Variants in ABTB2 observed in about 807,000 individuals in gnomAD.
The protein encoded by ABTB2 is ankyrin repeat and BTB domain containing 2, also known as ankyrin repeat and BTB/POZ domain-containing protein 2.
In ABTB2, 56 loss-of-function variants were observed where a neutral mutation model predicts 104.1. The ratio of observed to expected loss-of-function variants is 0.54; its 90% CI spans 0.43 to 0.67. The LOEUF (loss-of-function observed/expected upper bound fraction) is 0.67. ABTB2 is among the 30% of genes least tolerant of loss of function. The probability of loss-of-function intolerance (pLI) is 0.00; values close to 1 mark genes in which losing one functional copy is unlikely to be tolerated. For missense variants in ABTB2, 1,279 were observed against 1,407.7 expected (o/e 0.91, Z 1.46); for synonymous variants, 606 against 608.2 (o/e 1.00, Z 0.05).
At chr11:34,274,113 C>T (rs1017688589) in intron 1 of ABTB2, among the ~76,000 whole-genome samples, 1 of 131,592 alleles carries the variant, frequency 7.6e-6, no homozygotes, top group African/African-American at 3.0e-5. Flanking sequence ...GATTGCGCCA[C>T]TGCAGTCCGC....
chr11:34,257,921 G>A (rs1191856187), intron 1 of ABTB2, among the ~76,000 whole-genome samples: 1 of 152,030 alleles, frequency 6.6e-6, no homozygotes, highest in Non-Finnish European at 1.5e-5. Flanking sequence ...TCTCTACCTA[G>A]GGGTTGTTAA....
intron 1 of ABTB2, among the ~76,000 whole-genome samples, chr11:34,213,814 A>AAT (rs1853515651): frequency 6.6e-6 from 1 of 152,328 alleles, no homozygotes; most frequent in South Asian, 2.1e-4. Context: ...CCAGTGCAAT[A>AAT]GTCACAACAT....
At chr11:34,173,859 A>C (rs191708644) in intron 3 of ABTB2, among the ~76,000 whole-genome samples, 7 of 152,322 alleles carry the variant, frequency 4.6e-5, no homozygotes, top group Admixed American at 1.3e-4. Context: ...CTGGTTCTCC[A>C]TCTGTAGCAC....
chr11:34,226,205 A>T (rs1436994862), intron 1 of ABTB2, among the ~76,000 whole-genome samples: 2 of 77,568 alleles, frequency 2.6e-5, no homozygotes, highest in Non-Finnish European at 4.9e-5. Context: ...AGAGTCCATT[A>T]AAAAAAAAAA....
intron 1 of ABTB2, among the ~76,000 whole-genome samples, chr11:34,232,704 G>T (rs1853788671): frequency 6.6e-6 from 1 of 152,072 alleles, no homozygotes; most frequent in Non-Finnish European, 1.5e-5. Context: ...AGGGGGCATG[G>T]TGGCTCCCAC....
intron 1 of ABTB2, among the ~76,000 whole-genome samples, chr11:34,296,319 G>C (rs955437683): frequency 2.6e-5 from 4 of 152,060 alleles, no homozygotes; most frequent in African/African-American, 9.7e-5. Context: ...ATCTAAGGAG[G>C]GGAGGGAGAC....
At chr11:34,217,526 A>AG (rs1853564698) in intron 1 of ABTB2, among the ~76,000 whole-genome samples, 1 of 152,082 alleles carries the variant, frequency 6.6e-6, no homozygotes, top group Non-Finnish European at 1.5e-5. Context: ...CAGTGGTGTG[A>AG]TCCTGGCTCA....
intron 9 of ABTB2, 85 bp from the exon 10 acceptor site, chr11:34,162,890 C>T (rs1383456070): frequency 1.5e-6 from 2 of 1,327,936 alleles, no homozygotes; most frequent in Admixed American, 4.2e-5. Flanking sequence ...CCCTCCTGCC[C>T]CGACGGGCTG....
At chr11:34,156,458 G>T (rs1852627956) in intron 14 of ABTB2, among the ~76,000 whole-genome samples, 1 of 152,142 alleles carries the variant, frequency 6.6e-6, no homozygotes, top group Non-Finnish European at 1.5e-5. Flanking sequence ...CCACTTGGAA[G>T]CTGATACTGC....
chr11:34,357,271 C>T lies in ABTB2; in HGVS notation c.313G>A (p.Ala105Thr), dbSNP rs1477550998. The T allele has an allele frequency of 2.0e-6, 3 of 1,498,386 alleles. No individual in the cohort carries two copies. The highest frequency in any genetic ancestry group is 2.6e-5 in the South Asian group (2 of 77,062). 92.8% of individuals were successfully genotyped at this position (1,498,386 alleles called of 1,614,324 possible). Residue 105 changes from alanine (A) to threonine (T), a missense_variant, in exon 1 of 17, where the codon GCC (alanine) becomes ACC (threonine). Ala to Thr is a moderately conservative substitution (Grantham distance 58). Transcript: ENST00000435224. Reference protein sequence around the residue: ...EEFPWTEGDVARVLRKGAGGR... With the variant: ...EEFPWTEGDVTRVLRKGAGGR... ...CCAGCGCCTTTGCGGAGCACCCGGG[C>T]CACGTCTCCTTCGGTCCAGGGGAAC...
chr11:34,158,058 A>C (rs1332139736), intron 14 of ABTB2, among the ~76,000 whole-genome samples: 1 of 152,212 alleles, frequency 6.6e-6, no homozygotes, highest in Non-Finnish European at 1.5e-5. Context: ...ATGGAAACCA[A>C]GCAAAGCACT....
At chr11:34,306,316 G>A (rs551737947) in intron 1 of ABTB2, among the ~76,000 whole-genome samples, 10 of 129,018 alleles carry the variant, frequency 7.8e-5, no homozygotes, top group African/African-American at 2.4e-4. Flanking sequence ...GCACAATCTC[G>A]GCTCACTGCA....
chr11:34,205,812 C>T (rs1853402268), intron 1 of ABTB2, among the ~76,000 whole-genome samples: 1 of 152,138 alleles, frequency 6.6e-6, no homozygotes, highest in African/African-American at 2.4e-5. Flanking sequence ...GTTCGTAATT[C>T]TGGCTGTCAC....
chr11:34,202,197 AG>A (rs1414474834), intron 2 of ABTB2, among the ~76,000 whole-genome samples: 1 of 152,262 alleles, frequency 6.6e-6, no homozygotes. Flanking sequence ...GAGGGAAGAC[AG>A]TGGAATGAGA....
chr11:34,303,584 T>A lies in ABTB2; in HGVS notation c.883+53117A>T, dbSNP rs74234060. Among the ~76,000 whole-genome samples the A allele has an allele frequency of 2.9e-5, 4 of 137,684 alleles. No homozygotes were observed. In the East Asian group the frequency reaches 8.9e-4, roughly 31 times the overall value. The allele number at this position is 137,684 out of a possible 152,430, so 90.3% of individuals were successfully genotyped here. A position where few individuals can be genotyped will look rare whatever the true frequency, so the allele number is the denominator to read the frequency against. ...TGCATTTAACTTAAATGAAAAAAAATAGTAATAAATGCTTATACAGCTGTC... is the reference window on the plus strand; with the variant it reads ...TGCATTTAACTTAAATGAAAAAAAAAAGTAATAAATGCTTATACAGCTGTC... On this transcript the variant is annotated intron_variant, in intron 1 of 16. Transcript: ENST00000435224.
In ABTB2 at chr11:34,225,505, C is replaced by T. The variant is rs1853674195; in HGVS notation, c.884-20815G>A. On this transcript the variant is annotated intron_variant, in intron 1 of 16. Transcript: ENST00000435224. ...GCGCGGTGGCTCATGCCTGTAATCC[C>T]AGCACTTTGGGAGGCCGAGGTGGGC... 2.0e-5 allele frequency among the ~76,000 whole-genome samples: 3 copies of T among 152,124 alleles called. No individual in the cohort carries two copies. The South Asian group carries it at 6.2e-4, about 32-fold the overall frequency.
intron 2 of ABTB2, among the ~76,000 whole-genome samples, chr11:34,199,600 C>G (rs1340603217): frequency 6.6e-6 from 1 of 152,202 alleles, no homozygotes; most frequent in African/African-American, 2.4e-5. Flanking sequence ...GGGCCTGTTA[C>G]TGTTAATTCC....
chr11:34,335,741 A>G (rs1397052324), intron 1 of ABTB2: 1 of 1,398,020 alleles, frequency 7.2e-7, no homozygotes, highest in South Asian at 1.2e-5. Context: ...TTCTTCTGTG[A>G]AGCAGTCCCA....
intron 7 of ABTB2, among the ~76,000 whole-genome samples, chr11:34,166,977 GAC>G (rs1474866214): frequency 6.6e-6 from 1 of 152,244 alleles, no homozygotes; most frequent in Non-Finnish European, 1.5e-5. Context: ...CAGTGTGCCC[GAC>G]ACGAGAGAGA....
Sources: gnomAD v4.1 joint callset for allele counts (sites outside exome capture counted in the v4.1 genomes callset) on GRCh38, gnomAD v4.1.1 for gene constraint, MANE v1.5 for transcripts, NCBI Gene and HGNC (gene_info 2026-07-23, HGNC 2026-07-21) for gene names.